The following RESF1 variants were observed in gnomAD, a reference collection of about 807,000 sequenced individuals.
The protein encoded by RESF1 is retroelement silencing factor 1.
RESF1 carries 65 observed loss-of-function variants against 134.7 expected under a neutral mutation model. The observed-to-expected ratio is 0.48, with a 90% confidence interval of 0.40 to 0.59. RESF1 has a LOEUF of 0.59. Among genes scored for constraint, RESF1 ranks in the 20% least tolerant of loss-of-function variants. RESF1 has a pLI of 0.00. For missense variants in RESF1, 2,274 were observed against 2,002.7 expected (o/e 1.14, Z -2.59); for synonymous variants, 762 against 702.2 (o/e 1.09, Z -1.35).
At chr12:31,960,424 G>C (rs1034901325) in intron 1 of RESF1, among the ~76,000 whole-genome samples, 1 of 152,148 alleles carries the variant, frequency 6.6e-6, no homozygotes, top group Non-Finnish European at 1.5e-5. Flanking sequence ...TTCAGTCACT[G>C]TTAATGTGCA....
At position 31,982,075 on chromosome 12, in the gene RESF1, G is replaced by C. The variant is rs1158643068; in HGVS notation, c.1120G>C (p.Asp374His). ...LAQTNEEKIM[D>H]SCNPTSNQVL... ...TCAAACTAATGAAGAGAAAATAATG[G>C]ATTCTTGCAATCCAACTTCAAATCA... Residue 374 changes from aspartate (D) to histidine (H), a missense_variant, in exon 4 of 6, where the codon GAT becomes CAT. Transcript: ENST00000312561. 2 of 1,614,084 alleles carry C rather than the reference G, an allele frequency of 1.2e-6. No individual in the cohort carries two copies. Among genetic ancestry groups the C allele is most frequent in the Non-Finnish European group, 1.7e-6 (2 of 1,180,032 alleles).
intron 2 of RESF1, among the ~76,000 whole-genome samples, chr12:31,961,831 C>G (rs902884789): frequency 6.6e-6 from 1 of 152,174 alleles, no homozygotes; most frequent in Non-Finnish European, 1.5e-5. Context: ...TACATTATCT[C>G]TGTGATTGTA....
At chr12:31,990,069 A>T (rs1238470614) in intron 5 of RESF1, among the ~76,000 whole-genome samples, 4 of 152,180 alleles carry the variant, frequency 2.6e-5, no homozygotes, top group African/African-American at 9.7e-5. Flanking sequence ...GTAAGAAAAA[A>T]GCTCCTTGGA....
chr12:31,975,557 T>C (rs1197834494), intron 3 of RESF1, among the ~76,000 whole-genome samples: 2 of 152,258 alleles, frequency 1.3e-5, no homozygotes, highest in Non-Finnish European at 2.9e-5. Flanking sequence ...ATGGTAAGTG[T>C]ATAATGCAGT....
Position 31,982,545 on chromosome 12 carries a change from A to G in RESF1, c.1590A>G (p.Ser530=), listed in dbSNP as rs1256454488. The G allele has an allele frequency of 2.0e-5, 33 of 1,613,734 alleles. No individual in the cohort carries two copies. Among genetic ancestry groups the G allele is most frequent in the Non-Finnish European group, 2.8e-5 (33 of 1,180,028 alleles). ...HDVKVLTSKT[S]AVEMTQAVLN... ...TGAAAGTTCTCACTTCAAAGACATC[A>G]GCTGTTGAGATGACCCAGGCAGTAT... The change falls in exon 4 of 6, where the codon TCA becomes TCG. Residue 530 remains serine (S), a synonymous_variant. Transcript: ENST00000312561.
rs1395018130 is a variant in RESF1 at position 31,987,625 on chromosome 12, A to G, written c.5086+303A>G. On this transcript the variant is annotated intron_variant, in intron 5 of 5. Transcript: ENST00000312561. ...GCAAATACTTTAGGTTTTCTGGGTC[A>G]TAAGGTGTCTGTCCTGACTACTCAG... Among the ~76,000 whole-genome samples, 22 of 152,194 alleles carry G rather than the reference A, an allele frequency of 1.4e-4. 1 individual carries two copies. Among genetic ancestry groups the G allele is most frequent in the Admixed American group, 1.4e-3 (22 of 15,272 alleles).
At position 31,982,530 on chromosome 12, in the gene RESF1, C is replaced by T. The variant is rs768972556; in HGVS notation, c.1575C>T (p.Leu525=). 1.1e-5 allele frequency: 17 copies of T among 1,613,600 alleles called. No homozygotes were observed. Among genetic ancestry groups the T allele is most frequent in the Admixed American group, 1.0e-4 (6 of 60,000 alleles). The stretch of plus-strand genomic sequence containing the variant: ...ACTCATCTCATGATGTGAAAGTTCT[C>T]ACTTCAAAGACATCAGCTGTTGAGA... The part of the protein sequence containing the change: ...MPDSSHDVKV[L]TSKTSAVEMT... Residue 525 remains leucine (L), a synonymous_variant, in exon 4 of 6, where the codon CTC becomes CTT. Coordinates refer to ENST00000312561, the MANE Select transcript of RESF1 (RefSeq NM_018169.4).
Position 31,983,634 on chromosome 12 carries a change from C to A in RESF1, c.2679C>A (p.Asp893Glu), listed in dbSNP as rs1242174792. 6.2e-7 allele frequency: 1 copy of A among 1,613,898 alleles called. No homozygotes were observed. Among genetic ancestry groups the A allele is most frequent in the African/African-American group, 1.3e-5 (1 of 74,908 alleles). Reference protein sequence around the residue: ...TVVSSDTLQIDNICSLVEGDT... With the variant: ...TVVSSDTLQIENICSLVEGDT... ...TGAGTAGTGATACATTACAGATTGACAATATTTGTTCTCTGGTTGAAGGTG... is the reference window on the plus strand; with the variant it reads ...TGAGTAGTGATACATTACAGATTGAAAATATTTGTTCTCTGGTTGAAGGTG... Residue 893 changes from aspartate to glutamate, a missense_variant, in exon 4 of 6, where the codon GAC becomes GAA. By Grantham distance (45) the Asp-to-Glu change is conservative. Coordinates refer to ENST00000312561, the MANE Select transcript of RESF1 (RefSeq NM_018169.4).
At chr12:31,989,980 C>T (rs1311051609) in intron 5 of RESF1, among the ~76,000 whole-genome samples, 1 of 152,070 alleles carries the variant, frequency 6.6e-6, no homozygotes, top group Non-Finnish European at 1.5e-5. Context: ...AGAGGCCTGA[C>T]AGTGGGAAAA....
At chr12:31,992,108 G>T (rs1227743838) in intron 5 of RESF1, among the ~76,000 whole-genome samples, 1 of 152,104 alleles carries the variant, frequency 6.6e-6, no homozygotes, top group Non-Finnish European at 1.5e-5. Context: ...ATTTTATTGA[G>T]CCAAGAGTAA....
In RESF1 at chr12:31,981,541, G is replaced by C. The variant is rs775676412; in HGVS notation, c.586G>C (p.Asp196His). The change falls in exon 4 of 6, where the codon GAT (aspartate) becomes CAT (histidine). Residue 196 changes from aspartate (D) to histidine (H), a missense_variant. Coordinates refer to ENST00000312561, the MANE Select transcript of RESF1 (RefSeq NM_018169.4). ...CCAGTCTTTTTCAGAGCAACAGGTT[G>C]ATTGGACACAACAGTGTATATCTAA... is the stretch of plus-strand genomic sequence containing the variant. ...LNQSFSEQQV[D>H]WTQQCISKGL... The C allele has an allele frequency of 1.2e-6, 2 of 1,614,112 alleles. No homozygotes were observed. The highest frequency in any genetic ancestry group is 1.7e-6 in the Non-Finnish European group (2 of 1,179,972).
intron 1 of RESF1, 69 bp downstream of exon 1, chr12:31,959,560 C>CCGGG (rs1446494370): frequency 6.6e-6 from 1 of 152,358 alleles, no homozygotes; most frequent in Non-Finnish European, 1.5e-5. Context: ...GGGCCGGGAG[C>CCGGG]CGGGAGCCAG....
intron 3 of RESF1, among the ~76,000 whole-genome samples, chr12:31,971,316 G>T (rs1468959684): frequency 6.6e-6 from 1 of 152,072 alleles, no homozygotes; most frequent in African/African-American, 2.4e-5. Flanking sequence ...CTAATTTTTT[G>T]TATTTGGTGG....
chr12:31,988,276 C>A (rs1215841542), intron 5 of RESF1, among the ~76,000 whole-genome samples: 5 of 152,094 alleles, frequency 3.3e-5, no homozygotes, highest in African/African-American at 1.2e-4. Context: ...TATAGTCAGC[C>A]CTCCGTATCT....
chr12:31,988,643 T>G (rs904072568), intron 5 of RESF1, among the ~76,000 whole-genome samples: 5 of 152,030 alleles, frequency 3.3e-5, no homozygotes, highest in African/African-American at 1.2e-4. Flanking sequence ...TGTTATTTGC[T>G]GGGAAGGGAT....
At position 31,992,436 on chromosome 12, in the gene RESF1, A is replaced by G; in HGVS notation, c.5145A>G (p.Leu1715=). 2 of 1,613,810 alleles carry G rather than the reference A, an allele frequency of 1.2e-6. No homozygotes were observed. The highest frequency in any genetic ancestry group is 1.7e-6 in the Non-Finnish European group (2 of 1,179,736). ...RSFSADGFEM[L]QNPVKDSKEM... ...TCAGTGCAGATGGATTTGAGATGCTACAAAACCCAGTAAAAGATTCAAAAG... is the reference window on the plus strand; with the variant it reads ...TCAGTGCAGATGGATTTGAGATGCTGCAAAACCCAGTAAAAGATTCAAAAG... Residue 1715 remains leucine (L), a synonymous_variant, in exon 6 of 6, where the codon CTA becomes CTG. Transcript: ENST00000312561.
Position 31,984,507 on chromosome 12 carries a change from A to T in RESF1, c.3552A>T (p.Gly1184=), listed in dbSNP as rs1341065695. The T allele has an allele frequency of 1.2e-6, 2 of 1,607,546 alleles. No individual in the cohort carries two copies. Among genetic ancestry groups the T allele is most frequent in the South Asian group, 2.2e-5 (2 of 90,640 alleles). Residue 1184 remains glycine, a synonymous_variant, in exon 4 of 6, where the codon GGA becomes GGT. Coordinates refer to ENST00000312561, the MANE Select transcript of RESF1 (RefSeq NM_018169.4). ...ALGWLSMVYE[G]VPQCQCNSIK... ...GCTGGCTCTCCATGGTTTACGAAGG[A>T]GTACCCCAGTGTCAGTGTAATTCCA... is the stretch of plus-strand genomic sequence containing the variant.
intron 2 of RESF1, among the ~76,000 whole-genome samples, chr12:31,966,586 G>A (rs967451185): frequency 6.6e-6 from 1 of 152,188 alleles, no homozygotes; most frequent in African/African-American, 2.4e-5. Context: ...CTGTGTTAAC[G>A]AGTCAGAAAA....
chr12:31,971,048 T>TA (rs1297135135), intron 3 of RESF1, among the ~76,000 whole-genome samples: 1 of 152,256 alleles, frequency 6.6e-6, no homozygotes, highest in African/African-American at 2.4e-5. Context: ...TTGTAATTGT[T>TA]ACCTTGATGG....
Sources: gnomAD v4.1 joint callset for allele counts (sites outside exome capture counted in the v4.1 genomes callset) on GRCh38, gnomAD v4.1.1 for gene constraint, MANE v1.5 for transcripts, NCBI Gene and HGNC (gene_info 2026-07-23, HGNC 2026-07-21) for gene names.